The following BFSP1 variants were observed in gnomAD, a reference collection of about 807,000 sequenced individuals.
BFSP1 encodes beaded filament structural protein 1.
In BFSP1, 38 loss-of-function variants were observed where a neutral mutation model predicts 43.9. That is an observed-to-expected ratio of 0.87 (90% CI 0.67 to 1.14). The LOEUF (loss-of-function observed/expected upper bound fraction) is 1.14. BFSP1 is among the 50% of genes most tolerant of loss of function. BFSP1 has a pLI of 0.00. For missense variants in BFSP1, 850 were observed against 875.1 expected, an observed-to-expected ratio of 0.97 and a Z score of 0.36; for synonymous variants, 352 against 354.8, an observed-to-expected ratio of 0.99 and a Z score of 0.09.
Position 17,495,720 on chromosome 20 carries a change from A to T in BFSP1, c.1043-691T>A, listed in dbSNP as rs1026111674. Reference sequence around the variant, plus strand: ...TCCAGACTAGCTGAAAGGAAAAACTAAAAGTTGAAGAAAACACATAAAATT... The same window carrying T: ...TCCAGACTAGCTGAAAGGAAAAACTTAAAGTTGAAGAAAACACATAAAATT... On this transcript the variant is annotated intron_variant, in intron 7 of 7. Transcript: ENST00000377873. Among the ~76,000 whole-genome samples the T allele has an allele frequency of 5.3e-5, 8 of 152,356 alleles. No individual in the cohort carries two copies. The East Asian group carries it at 7.7e-4, about 15-fold the overall frequency.
At chr20:17,563,867 A>C (rs965177200), upstream of BFSP1, among the ~76,000 whole-genome samples, 2 of 140,078 alleles carry the variant, frequency 1.4e-5, no homozygotes, top group Admixed American at 1.4e-4. Context: ...AGCCTGGGTG[A>C]TAGAGCGAGA....
Position 17,499,623 on chromosome 20 carries a change from C to G in BFSP1, c.736-583G>C, listed in dbSNP as rs542856628. 2.4e-4 allele frequency among the ~76,000 whole-genome samples: 37 copies of G among 152,068 alleles called. No homozygotes were observed. In the East Asian group the frequency reaches 6.8e-3, roughly 28 times the overall value. The stretch of plus-strand genomic sequence containing the variant: ...CCCCAAAGGCAGTCTGAAGACAAAC[C>G]TAGAAAATAAAACGAAACCTAGGCC... On this transcript the variant is annotated intron_variant, in intron 5 of 7. Coordinates refer to ENST00000377873, the MANE Select transcript of BFSP1 (RefSeq NM_001195.5).
At chr20:17,544,283 AT>A (rs1289316772) in intron 1 of BFSP1, among the ~76,000 whole-genome samples, 1 of 152,194 alleles carries the variant, frequency 6.6e-6, no homozygotes, top group African/African-American at 2.4e-5. Context: ...TTATCCACCA[AT>A]CCCCTATCCA....
chr20:17,550,763 G>A (rs990680325), intron 1 of BFSP1, among the ~76,000 whole-genome samples: 2 of 152,090 alleles, frequency 1.3e-5, no homozygotes, highest in Non-Finnish European at 2.9e-5. Flanking sequence ...GTGAGCCACC[G>A]TACCTGGCCA....
At chr20:17,504,940 T>TTTTGA in intron 5 of BFSP1, among the ~76,000 whole-genome samples, 1 of 105,132 alleles carries the variant, frequency 9.5e-6, no homozygotes, top group Non-Finnish European at 2.0e-5. Flanking sequence ...TTTTGTTTTG[T>TTTTGA]CTTAAAAAAA....
intron 1 of BFSP1, among the ~76,000 whole-genome samples, chr20:17,552,811 A>T (rs78898988): frequency 6.6e-6 from 1 of 152,324 alleles, no homozygotes; most frequent in East Asian, 1.9e-4. Context: ...ATTTGGGGGA[A>T]AAATATCAAG....
chr20:17,525,800 C>A lies in BFSP1; in HGVS notation c.378-892G>T, dbSNP rs1402985319. On this transcript the variant is annotated intron_variant, in intron 1 of 7. Coordinates refer to ENST00000377873, the MANE Select transcript of BFSP1 (RefSeq NM_001195.5). The surrounding 1 kb of genome is among the most constrained non-coding windows in gnomAD (Gnocchi z 4.2). ...AGCACAGGACTGCCTAGAAGGGAGA[C>A]TACATTTTCCAGCATTCCTTGCAGC... 6.6e-6 allele frequency among the ~76,000 whole-genome samples: 1 copy of A among 152,148 alleles called. No homozygotes were observed. The highest frequency in any genetic ancestry group is 2.4e-5 in the African/African-American group (1 of 41,414).
upstream of BFSP1, chr20:17,560,323 T>TA (rs1185192968): frequency 6.6e-6 from 1 of 152,214 alleles, no homozygotes; most frequent in Admixed American, 6.5e-5. Context: ...TTTGCCAACA[T>TA]AAGTGACGAA....
At chr20:17,562,215 C>T (rs376571161), upstream of BFSP1, among the ~76,000 whole-genome samples, 14 of 151,534 alleles carry the variant, frequency 9.2e-5, no homozygotes, top group Admixed American at 2.0e-4. Flanking sequence ...CCACCGCGCC[C>T]GGAGGATTTA....
intron 2 of BFSP1, 88 bp from the exon 3 acceptor site, chr20:17,514,904 G>A: frequency 1.7e-6 from 2 of 1,178,326 alleles, no homozygotes; most frequent in East Asian, 2.4e-5. Context: ...CAGACCACCT[G>A]GGAGCTTACT....
chr20:17,521,419 G>A (rs188234486), intron 2 of BFSP1, among the ~76,000 whole-genome samples: 16 of 152,304 alleles, frequency 1.1e-4, no homozygotes, highest in Non-Finnish European at 1.5e-5. Context: ...CTCCAAGTAG[G>A]ATGCAAAGAC....
chr20:17,514,457 T>C (rs1212486110), intron 3 of BFSP1, among the ~76,000 whole-genome samples: 2 of 152,154 alleles, frequency 1.3e-5, no homozygotes, highest in East Asian at 3.8e-4. Flanking sequence ...CTATATAAAA[T>C]CACTTTGTAA....
intron 5 of BFSP1, among the ~76,000 whole-genome samples, chr20:17,504,213 A>T (rs1327447682): frequency 1.3e-5 from 2 of 152,152 alleles, no homozygotes; most frequent in Non-Finnish European, 2.9e-5. Flanking sequence ...CCAACTCCGT[A>T]CTGGTCGCAG....
At chr20:17,569,018 C>T (rs1568725509) in intron 1 of BFSP1, among the ~76,000 whole-genome samples, 1 of 152,222 alleles carries the variant, frequency 6.6e-6, no homozygotes, top group African/African-American at 2.4e-5. Flanking sequence ...TAGAAAAACA[C>T]AATTCCAAAT....
chr20:17,537,618 T>C (rs988876988), intron 1 of BFSP1, among the ~76,000 whole-genome samples: 1 of 148,292 alleles, frequency 6.7e-6, no homozygotes, highest in Non-Finnish European at 1.5e-5. Flanking sequence ...AGTGTGTGCC[T>C]GGTGCTTTGA....
At chr20:17,502,270 A>T (rs2033822390) in intron 5 of BFSP1, among the ~76,000 whole-genome samples, 2 of 152,196 alleles carry the variant, frequency 1.3e-5, no homozygotes, top group Non-Finnish European at 2.9e-5. Context: ...ATGAGGACAC[A>T]GCCACATAAC....
intron 1 of BFSP1, among the ~76,000 whole-genome samples, chr20:17,543,298 T>C (rs1431459099): frequency 1.3e-5 from 2 of 152,162 alleles, no homozygotes; most frequent in Non-Finnish European, 2.9e-5. Context: ...AGCATTTCAG[T>C]TCAAAGAAGG....
At chr20:17,553,183 GT>G (rs893815990) in intron 1 of BFSP1, among the ~76,000 whole-genome samples, 6 of 152,126 alleles carry the variant, frequency 3.9e-5, no homozygotes, top group African/African-American at 1.4e-4. Flanking sequence ...GTGTTTCAAA[GT>G]GAAGAGAAGA....
intron 5 of BFSP1, among the ~76,000 whole-genome samples, chr20:17,500,976 G>A (rs6075217): frequency 0.15 from 23,054 of 152,158 alleles, 2,077 homozygotes; most frequent in Middle Eastern, 0.22. Context: ...ACCTGAGGGT[G>A]TTAAGAGTCT....
Sources: gnomAD v4.1 joint callset for allele counts (sites outside exome capture counted in the v4.1 genomes callset) on GRCh38, gnomAD v4.1.1 for gene constraint, Gnocchi (gnomAD v3.1) non-coding constraint, MANE v1.5 for transcripts, NCBI Gene and HGNC (gene_info 2026-07-23, HGNC 2026-07-21) for gene names.